LUZP2: variants seen among roughly 807,000 people sequenced by gnomAD.
LUZP2 encodes the protein leucine zipper protein 2.
Under a neutral mutation model 51.6 loss-of-function variants are expected in LUZP2, and 52 were observed. That is an observed-to-expected ratio of 1.01 (90% CI 0.81 to 1.27). LUZP2 has a LOEUF of 1.27. Ranked by LOEUF, LUZP2 falls within the 50% of genes most tolerant of loss-of-function variation. The pLI is 0.00. For synonymous variants in LUZP2, 154 were observed against 137.3 expected (o/e 1.12, Z -0.85); for missense variants, 436 against 395.4 (o/e 1.10, Z -0.87).
At chr11:24,573,320 C>T (rs370732785) in intron 1 of LUZP2, among the ~76,000 whole-genome samples, 2 of 151,966 alleles carry the variant, frequency 1.3e-5, no homozygotes, top group Non-Finnish European at 2.9e-5. Context: ...AGAGCTTGTA[C>T]ATCACTGTCA....
intron 7 of LUZP2, among the ~76,000 whole-genome samples, chr11:24,937,549 A>C (rs1373058672): frequency 6.6e-6 from 1 of 152,206 alleles, no homozygotes; most frequent in African/African-American, 2.4e-5. Context: ...TTCACAAGAA[A>C]TTACCAGCTT....
rs77404819 is a variant in LUZP2, at chr11:24,940,807, C to T, written c.522+26269C>T. ...TATTCTTGAGTGAGTTGCATAACCT[C>T]TGAGCTATTTTCCCAACTGCAAAAT... On this transcript the variant is annotated intron_variant, in intron 7 of 11. Coordinates refer to ENST00000336930, the MANE Select transcript of LUZP2 (RefSeq NM_001009909.4). 5.2e-3 allele frequency among the ~76,000 whole-genome samples: 796 copies of T among 152,184 alleles called. 4 individuals carry two copies. Among genetic ancestry groups the T allele is most frequent in the African/African-American group, 0.018 (756 of 41,520 alleles).
At chr11:24,838,933 C>A (rs1023096076) in intron 5 of LUZP2, among the ~76,000 whole-genome samples, 1 of 151,556 alleles carries the variant, frequency 6.6e-6, no homozygotes, top group African/African-American at 2.4e-5. Flanking sequence ...AAGTTAAGAA[C>A]CACTTTCCTT....
chr11:24,973,797 T>C (rs1465998258), intron 7 of LUZP2, among the ~76,000 whole-genome samples: 1 of 151,964 alleles, frequency 6.6e-6, no homozygotes, highest in Non-Finnish European at 1.5e-5. Flanking sequence ...GTCTGGGAGA[T>C]TGTTTGTTAT....
intron 5 of LUZP2, among the ~76,000 whole-genome samples, chr11:24,826,346 A>G (rs1173596710): frequency 6.8e-6 from 1 of 147,690 alleles, no homozygotes; most frequent in East Asian, 1.9e-4. Context: ...TCTGAGACTC[A>G]GGGGTGGTTT....
intron 1 of LUZP2, among the ~76,000 whole-genome samples, chr11:24,656,316 G>GA (rs1477931050): frequency 1.3e-5 from 2 of 151,932 alleles, no homozygotes; most frequent in Non-Finnish European, 2.9e-5. Context: ...TTCTTAAGAG[G>GA]AAAAAAGACC....
intron 7 of LUZP2, among the ~76,000 whole-genome samples, chr11:24,933,316 G>T (rs2133837404): frequency 6.6e-6 from 1 of 152,224 alleles, no homozygotes; most frequent in South Asian, 2.1e-4. Flanking sequence ...GTCTGAGTGG[G>T]AGCTGCAAGT....
chr11:25,025,751 T>C (rs1420645091), intron 9 of LUZP2, among the ~76,000 whole-genome samples: 1 of 152,182 alleles, frequency 6.6e-6, no homozygotes, highest in Non-Finnish European at 1.5e-5. Flanking sequence ...CTCAGGGATC[T>C]AGAACTAGAA....
At chr11:24,637,210 GGAA>G (rs1240072269) in intron 1 of LUZP2, among the ~76,000 whole-genome samples, 1 of 151,694 alleles carries the variant, frequency 6.6e-6, no homozygotes, top group African/African-American at 2.4e-5. Context: ...CTGGAGCCTA[GGAA>G]GAAGAACATA....
Position 24,839,177 on chromosome 11 carries a change from T to C in LUZP2, c.397-66814T>C, listed in dbSNP as rs1183453412. Among the ~76,000 whole-genome samples, 6 of 151,748 alleles carry C rather than the reference T, an allele frequency of 4.0e-5. No individual in the cohort carries two copies. The East Asian group carries it at 1.2e-3, about 29-fold the overall frequency. On this transcript the variant is annotated intron_variant, in intron 5 of 11. Transcript: ENST00000336930. ...CATGTTTTGTACATATTCTTTCAAA[T>C]AATTTTTTAAAAAGTTGACCCCAAT...
intron 5 of LUZP2, among the ~76,000 whole-genome samples, chr11:24,777,381 TG>T (rs1441495927): frequency 1.3e-5 from 1 of 77,794 alleles, no homozygotes; most frequent in Non-Finnish European, 3.0e-5. Flanking sequence ...AGTAAATTCA[TG>T]CGGGGGGATC....
intron 7 of LUZP2, among the ~76,000 whole-genome samples, chr11:24,931,209 CAAAATAAAATAAAAT>C (rs199869184): frequency 0.12 from 15,907 of 134,912 alleles, 1,301 homozygotes; most frequent in African/African-American, 0.23. Context: ...GACTCTGTCT[CAAAATAAAATAAAAT>C]AAAATAAAAT....
At chr11:25,035,624 C>G (rs1857832764) in intron 9 of LUZP2, among the ~76,000 whole-genome samples, 1 of 152,048 alleles carries the variant, frequency 6.6e-6, no homozygotes, top group South Asian at 2.1e-4. Flanking sequence ...AAACAATGTA[C>G]AGATTAAACA....
intron 7 of LUZP2, among the ~76,000 whole-genome samples, chr11:24,930,891 C>A (rs966629178): frequency 6.6e-6 from 1 of 151,968 alleles, no homozygotes; most frequent in Non-Finnish European, 1.5e-5. Context: ...TAATGTAATC[C>A]CAAACTTCTT....
chr11:24,802,838 G>A (rs957184836), intron 5 of LUZP2, among the ~76,000 whole-genome samples: 2 of 152,092 alleles, frequency 1.3e-5, no homozygotes, highest in African/African-American at 2.4e-5. Context: ...TAAGTCATGA[G>A]TACTCCTCCT....
At chr11:24,900,008 A>T (rs1183791667) in intron 5 of LUZP2, among the ~76,000 whole-genome samples, 1 of 152,164 alleles carries the variant, frequency 6.6e-6, no homozygotes, top group Non-Finnish European at 1.5e-5. Context: ...TTCTAAATGA[A>T]CTTCACCATC....
chr11:24,569,917 G>A (rs12285422), intron 1 of LUZP2, among the ~76,000 whole-genome samples: 1,697 of 151,644 alleles, frequency 0.011, 27 homozygotes, highest in African/African-American at 0.037. Flanking sequence ...ATGTTTTACC[G>A]TATCCACAAA....
At chr11:24,655,464 C>A (rs1273565998) in intron 1 of LUZP2, among the ~76,000 whole-genome samples, 1 of 151,716 alleles carries the variant, frequency 6.6e-6, no homozygotes, top group Non-Finnish European at 1.5e-5. Flanking sequence ...GGATTGATCG[C>A]ATGGTGATTT....
chr11:24,859,597 C>G (rs188717270), intron 5 of LUZP2, among the ~76,000 whole-genome samples: 2 of 152,174 alleles, frequency 1.3e-5, no homozygotes, highest in South Asian at 4.2e-4. Flanking sequence ...AGGCTTCCAT[C>G]GAAAAAACCA....
Sources: allele counts gnomAD v4.1 joint callset (sites outside exome capture counted in the v4.1 genomes callset), GRCh38; gene constraint gnomAD v4.1.1; transcripts MANE v1.5; gene names NCBI Gene and HGNC (gene_info 2026-07-23, HGNC 2026-07-21).